CCNB2: variants seen among roughly 807,000 people sequenced by gnomAD.
CCNB2 encodes G2/mitotic-specific cyclin-B2.
CCNB2 carries 39 observed loss-of-function variants against 51.1 expected under a neutral mutation model. That is an observed-to-expected ratio of 0.76 (90% CI 0.59 to 1.00). The LOEUF (loss-of-function observed/expected upper bound fraction) is 1.00. CCNB2 is among the 50% of genes least tolerant of loss of function. The probability of loss-of-function intolerance (pLI) is 0.00; values close to 1 mark genes in which losing one functional copy is unlikely to be tolerated. For synonymous variants in CCNB2, 174 were observed against 165.5 expected (o/e 1.05, Z -0.40); for missense variants, 472 against 470.3 (o/e 1.00, Z -0.03).
intron 5 of CCNB2, chr15:59,116,162 A>C (rs552180145): frequency 6.6e-6 from 1 of 152,528 alleles, no homozygotes; most frequent in African/African-American, 2.4e-5. Flanking sequence ...TTAGCGAAAG[A>C]TTTTCTAAGC....
chr15:59,123,843 G>A (rs1230438611), intron 8 of CCNB2: 10 of 479,422 alleles, frequency 2.1e-5, no homozygotes, highest in East Asian at 1.1e-4. Context: ...AAACAAGGTC[G>A]ATAGGCTAGC....
rs547047403 is a variant in CCNB2, at chr15:59,122,524, CTTT to C, written c.976-983_976-981del. ...ACAGGCGTGAGCCACTGCGCCTGGC[CTTT>C]TTTTTTTTTCTTTTTTTTTCTTTTT... On this transcript the variant is annotated intron_variant, in intron 7 of 8. Coordinates refer to ENST00000288207, the MANE Select transcript of CCNB2 (RefSeq NM_004701.4). Among the ~76,000 whole-genome samples, 651 of 138,544 alleles carry C rather than the reference CTTT, an allele frequency of 4.7e-3. 3 individuals are homozygous for C. The highest frequency in any genetic ancestry group is 8.1e-3 in the Middle Eastern group (2 of 248). 90.9% of individuals were successfully genotyped at this position (138,544 alleles called of 152,430 possible).
chr15:59,123,277 C>T (rs1185379493), intron 7 of CCNB2, among the ~76,000 whole-genome samples: 8 of 152,164 alleles, frequency 5.3e-5, no homozygotes, highest in African/African-American at 1.7e-4. Context: ...CGTATGGGAC[C>T]TTTGGCACTT....
At chr15:59,115,603 C>T (rs1173914829) in intron 5 of CCNB2, 1 of 152,140 alleles carries the variant, frequency 6.6e-6, no homozygotes, top group Admixed American at 6.5e-5. Flanking sequence ...AGGTCAGGCA[C>T]AAATTCTGTC....
At chr15:59,118,609 G>A (rs988868336) in intron 7 of CCNB2, among the ~76,000 whole-genome samples, 1 of 152,196 alleles carries the variant, frequency 6.6e-6, no homozygotes, top group Non-Finnish European at 1.5e-5. Context: ...ACTTGAACCC[G>A]GAAGACAAAA....
intron 7 of CCNB2, among the ~76,000 whole-genome samples, chr15:59,122,682 G>T (rs980721735): frequency 6.6e-6 from 1 of 151,772 alleles, no homozygotes; most frequent in African/African-American, 2.4e-5. Context: ...GACTATAGGT[G>T]TACACCACCA....
At chr15:59,107,264 A>G (rs1287502666) in intron 1 of CCNB2, 58 bp from the exon 2 acceptor site, 1 of 1,490,666 alleles carries the variant, frequency 6.7e-7, no homozygotes, top group Non-Finnish European at 9.1e-7. Flanking sequence ...AGTATCTAAC[A>G]TTAGCAAAGT....
chr15:59,119,015 C>A (rs28383548), intron 7 of CCNB2, among the ~76,000 whole-genome samples: 4,243 of 152,054 alleles, frequency 0.028, 196 homozygotes, highest in African/African-American at 0.096. Flanking sequence ...AGGAATAAAC[C>A]AGAAAGAATG....
Position 59,116,931 on chromosome 15 carries a change from G to A in CCNB2, c.834+5G>A, listed in dbSNP as rs2079281639. 2 of 1,604,202 alleles carry A rather than the reference G, an allele frequency of 1.2e-6. No homozygotes were observed. Among genetic ancestry groups the A allele is most frequent in the Non-Finnish European group, 1.7e-6 (2 of 1,171,058 alleles). On this transcript the variant is annotated splice_donor_5th_base_variant and intron_variant, in intron 6 of 8. Transcript: ENST00000288207. ...CGAGCATCAAAAGCCGGGGAGGTAA[G>A]TGCCTCCAGCTCTGTAAGAGACTAT...
intron 2 of CCNB2, 45 bp from the exon 3 acceptor site, chr15:59,107,512 C>A (rs1252318844): frequency 6.2e-7 from 1 of 1,613,362 alleles, no homozygotes; most frequent in African/African-American, 1.3e-5. Context: ...CTGAGTCCCA[C>A]AACGCTGGCT....
chr15:59,116,629 C>G, intron 5 of CCNB2, 61 bp from the exon 6 acceptor site: 1 of 1,231,942 alleles, frequency 8.1e-7, no homozygotes, highest in South Asian at 1.3e-5. Flanking sequence ...TTCCCCTTCT[C>G]CCACCTAAAG....
At chr15:59,111,856 C>CTTTTTTTTTTTTTTTTT (rs11327656) in intron 3 of CCNB2, among the ~76,000 whole-genome samples, 1 of 133,984 alleles carries the variant, frequency 7.5e-6, no homozygotes, top group African/African-American at 2.8e-5. Flanking sequence ...TTCTTTCTTT[C>CTTTTTTTTTTTTTTTTT]TTTTTTTTTT....
At chr15:59,106,918 A>C (rs1337840322) in intron 1 of CCNB2, among the ~76,000 whole-genome samples, 1 of 152,178 alleles carries the variant, frequency 6.6e-6, no homozygotes, top group Non-Finnish European at 1.5e-5. Flanking sequence ...TTTTCATCTT[A>C]ATTTACTTTT....
chr15:59,117,178 G>T, intron 6 of CCNB2, 50 bp from the exon 7 acceptor site: 1 of 1,591,180 alleles, frequency 6.3e-7, no homozygotes, highest in South Asian at 1.1e-5. Flanking sequence ...AATTTTGCAA[G>T]ACAGTAATTA....
chr15:59,113,920 T>C (rs767099687), intron 3 of CCNB2, among the ~76,000 whole-genome samples: 1 of 152,234 alleles, frequency 6.6e-6, no homozygotes, highest in Non-Finnish European at 1.5e-5. Flanking sequence ...CAGGCTGGTC[T>C]TGAACTCCGG....
intron 8 of CCNB2, chr15:59,124,551 A>C: frequency 1.8e-6 from 1 of 547,136 alleles, no homozygotes; most frequent in South Asian, 2.1e-5. Flanking sequence ...TGTTCCTATC[A>C]CCTGTGCTAC....
At chr15:59,123,404 T>G (rs1287125787) in intron 7 of CCNB2, 113 bp from the exon 8 acceptor site, 1 of 650,826 alleles carries the variant, frequency 1.5e-6, no homozygotes, top group Non-Finnish European at 2.8e-6. Flanking sequence ...AGAATATTCT[T>G]GTACAGCTTT....
chr15:59,114,191 A>G (rs530427707), intron 3 of CCNB2, among the ~76,000 whole-genome samples: 1 of 152,318 alleles, frequency 6.6e-6, no homozygotes. Flanking sequence ...GGAGGGCCAG[A>G]TTATATAAGG....
At chr15:59,121,010 C>T (rs761465615) in intron 7 of CCNB2, 1 of 150,210 alleles carries the variant, frequency 6.7e-6, no homozygotes, top group Non-Finnish European at 1.5e-5. Flanking sequence ...GAATGTGAGA[C>T]ATTTTAAAAG....
Sources: allele counts gnomAD v4.1 joint callset (sites outside exome capture counted in the v4.1 genomes callset), GRCh38; gene constraint gnomAD v4.1.1; transcripts MANE v1.5; gene names NCBI Gene and HGNC (gene_info 2026-07-23, HGNC 2026-07-21).